Variants in UBE2D2 observed in about 807,000 individuals in gnomAD.
UBE2D2 encodes the protein ubiquitin conjugating enzyme E2 D2.
Under a neutral mutation model 24.2 loss-of-function variants are expected in UBE2D2, and 2 were observed. The ratio of observed to expected loss-of-function variants is 0.08; its 90% confidence interval spans 0.03 to 0.26. The LOEUF (loss-of-function observed/expected upper bound fraction) is 0.26. Ranked by LOEUF, UBE2D2 falls within the 10% of genes least tolerant of loss-of-function variation. The probability of loss-of-function intolerance (pLI) is 1.00; values close to 1 mark genes in which losing one functional copy is unlikely to be tolerated. For missense variants in UBE2D2, 44 were observed against 177.6 expected, an observed-to-expected ratio of 0.25 and a Z score of 4.28; for synonymous variants, 58 against 56.5, an observed-to-expected ratio of 1.03 and a Z score of -0.12.
chr5:139,602,138 G>A (rs1561516842), intron 2 of UBE2D2, among the ~76,000 whole-genome samples: 1 of 151,952 alleles, frequency 6.6e-6, no homozygotes, highest in South Asian at 2.1e-4. Context: ...TGCAAGCTCC[G>A]CCTCCTGGGT....
At chr5:139,592,854 T>G (rs1000561734) in intron 1 of UBE2D2, among the ~76,000 whole-genome samples, 1 of 151,764 alleles carries the variant, frequency 6.6e-6, no homozygotes, top group African/African-American at 2.4e-5. Context: ...CTACCCACCT[T>G]GGCCTCCCAA....
chr5:139,623,685 CTTTTTTT>C (rs932615006), intron 6 of UBE2D2: 15 of 366,516 alleles, frequency 4.1e-5, no homozygotes, highest in African/African-American at 2.3e-4. Flanking sequence ...TCTACAAAAA[CTTTTTTT>C]TTTGTTTGTT....
At chr5:139,556,972 T>G (rs1037966618), upstream of UBE2D2, among the ~76,000 whole-genome samples, 3 of 150,634 alleles carry the variant, frequency 2.0e-5, no homozygotes, top group Non-Finnish European at 4.4e-5. Flanking sequence ...GTAGCTGGGA[T>G]TACAGGCGCT....
chr5:139,531,220 G>T (rs1329804290), intron 1 of UBE2D2, among the ~76,000 whole-genome samples: 9 of 152,238 alleles, frequency 5.9e-5, no homozygotes, highest in Non-Finnish European at 1.2e-4. Context: ...GCCTGGGCCT[G>T]CCTGGCCTAA....
At chr5:139,586,216 A>G (rs756134228) in intron 1 of UBE2D2, among the ~76,000 whole-genome samples, 33 of 151,116 alleles carry the variant, frequency 2.2e-4, no homozygotes, top group Non-Finnish European at 3.8e-4. Context: ...AAATCTCAGA[A>G]TTTCATATTG....
chr5:139,543,551 G>A (rs369643876), intron 1 of UBE2D2, among the ~76,000 whole-genome samples: 10 of 152,344 alleles, frequency 6.6e-5, no homozygotes, highest in African/African-American at 2.4e-4. Context: ...CAGCTGCCCC[G>A]GCGACGACAC....
At chr5:139,619,750 C>T (rs951196437) in intron 5 of UBE2D2, among the ~76,000 whole-genome samples, 1 of 152,204 alleles carries the variant, frequency 6.6e-6, no homozygotes, top group Admixed American at 6.5e-5. Flanking sequence ...GTAATCCCAG[C>T]TACTTGGGAG....
intron 1 of UBE2D2, among the ~76,000 whole-genome samples, chr5:139,579,650 C>G (rs1052575718): frequency 6.6e-6 from 1 of 152,118 alleles, no homozygotes. Context: ...TTGTAACTAT[C>G]TGGTTCTTCA....
intron 1 of UBE2D2, among the ~76,000 whole-genome samples, chr5:139,588,250 T>G (rs894039696): frequency 1.3e-5 from 2 of 149,704 alleles, no homozygotes; most frequent in African/African-American, 5.0e-5. Context: ...TGTTTAGCGT[T>G]TTTTTTTTTG....
intron 1 of UBE2D2, among the ~76,000 whole-genome samples, chr5:139,596,648 T>G (rs1753965359): frequency 6.6e-6 from 1 of 151,750 alleles, no homozygotes; most frequent in Admixed American, 6.6e-5. Context: ...CACCTGTAAT[T>G]CCAGCACTTT....
At chr5:139,608,220 T>A (rs1335967576) in intron 2 of UBE2D2, among the ~76,000 whole-genome samples, 1 of 151,700 alleles carries the variant, frequency 6.6e-6, no homozygotes. Context: ...TTGCCTGAGC[T>A]CAGGAGTTTG....
chr5:139,610,550 TA>T (rs987079184), intron 2 of UBE2D2, among the ~76,000 whole-genome samples: 3 of 147,780 alleles, frequency 2.0e-5, no homozygotes, highest in African/African-American at 7.5e-5. Flanking sequence ...AAAAAAAAAA[TA>T]TATTTTTTTT....
chr5:139,614,434 T>G, intron 2 of UBE2D2, 152 bp from the exon 3 acceptor site: 1 of 907,084 alleles, frequency 1.1e-6, no homozygotes, highest in Non-Finnish European at 1.7e-6. Context: ...TCTTGTTTCT[T>G]TAGACTGTTA....
intron 1 of UBE2D2, among the ~76,000 whole-genome samples, chr5:139,528,896 A>G (rs1262625137): frequency 1.3e-5 from 2 of 152,014 alleles, no homozygotes; most frequent in African/African-American, 4.8e-5. Context: ...AGCTTCGCCA[A>G]CCCCTGCAAA....
chr5:139,580,769 G>A (rs760965272), intron 1 of UBE2D2, among the ~76,000 whole-genome samples: 10 of 152,084 alleles, frequency 6.6e-5, no homozygotes, highest in Admixed American at 1.3e-4. Context: ...TTTAAAATAA[G>A]CAACACCCAG....
chr5:139,563,273 C>G (rs1454378192), intron 1 of UBE2D2, among the ~76,000 whole-genome samples: 1 of 152,136 alleles, frequency 6.6e-6, no homozygotes, highest in African/African-American at 2.4e-5. Flanking sequence ...TGGAATCAGT[C>G]CCATTGGTTA....
intron 6 of UBE2D2, among the ~76,000 whole-genome samples, chr5:139,623,919 G>A (rs1024249601): frequency 1.3e-5 from 2 of 152,090 alleles, no homozygotes; most frequent in East Asian, 1.9e-4. Flanking sequence ...TCGAACTCCT[G>A]ACCTCAAATG....
At chr5:139,588,160 G>A (rs1753772215) in intron 1 of UBE2D2, among the ~76,000 whole-genome samples, 1 of 151,674 alleles carries the variant, frequency 6.6e-6, no homozygotes, top group Admixed American at 6.6e-5. Context: ...ATGGAGTCTT[G>A]CTGTGTTGCC....
intron 1 of UBE2D2, among the ~76,000 whole-genome samples, chr5:139,569,178 A>G (rs987103200): frequency 6.6e-6 from 1 of 152,208 alleles, no homozygotes; most frequent in Non-Finnish European, 1.5e-5. Flanking sequence ...TCTTACTCCA[A>G]AAGGTGAGCT....
Sources: allele counts gnomAD v4.1 joint callset (sites outside exome capture counted in the v4.1 genomes callset), GRCh38; gene constraint gnomAD v4.1.1; transcripts MANE v1.5; gene names NCBI Gene and HGNC (gene_info 2026-07-23, HGNC 2026-07-21).